ABCG2: variants seen among roughly 807,000 people sequenced by gnomAD.
The protein encoded by ABCG2 is ATP binding cassette subfamily G member 2 (JR blood group), also known as broad substrate specificity ATP-binding cassette transporter ABCG2.
A neutral mutation model predicts 73.5 loss-of-function variants in ABCG2; 80 were observed. That is an observed-to-expected ratio of 1.09 (90% CI 0.91 to 1.31). ABCG2 has a LOEUF of 1.31. Among genes scored for constraint, ABCG2 ranks in the 50% most tolerant of loss-of-function variants. ABCG2 has a pLI of 0.00. For missense variants in ABCG2, 796 were observed against 786.2 expected (o/e 1.01, Z -0.15); for synonymous variants, 269 against 282.4 (o/e 0.95, Z 0.48).
intron 1 of ABCG2, among the ~76,000 whole-genome samples, chr4:88,154,803 G>A (rs985615560): frequency 6.6e-6 from 1 of 152,176 alleles, no homozygotes. Flanking sequence ...ATATGTGTCA[G>A]GTGTGAGGAA....
intron 1 of ABCG2, among the ~76,000 whole-genome samples, chr4:88,155,054 G>A (rs1489993673): frequency 6.6e-6 from 1 of 152,104 alleles, no homozygotes; most frequent in African/African-American, 2.4e-5. Context: ...AAAGGGTTGG[G>A]ATGAGTCAGG....
At chr4:88,176,930 C>T (rs1426324508) in intron 1 of ABCG2, among the ~76,000 whole-genome samples, 2 of 151,944 alleles carry the variant, frequency 1.3e-5, no homozygotes, top group Admixed American at 1.3e-4. Flanking sequence ...AGCAAGTATT[C>T]TCCACCATTA....
intron 7 of ABCG2, 38 bp from the exon 8 acceptor site, chr4:88,115,096 G>A: frequency 7.0e-7 from 1 of 1,434,552 alleles, no homozygotes; most frequent in Non-Finnish European, 9.8e-7. Flanking sequence ...AAACTTGATG[G>A]TCTTGGAAAA....
At chr4:88,148,809 A>C (rs542096698) in intron 1 of ABCG2, among the ~76,000 whole-genome samples, 10 of 152,316 alleles carry the variant, frequency 6.6e-5, no homozygotes, top group Middle Eastern at 3.4e-3. Flanking sequence ...GACATTGTAA[A>C]GTGTACACAG....
At chr4:88,131,775 CAG>C (rs1185194926) in intron 4 of ABCG2, 26 bp downstream of exon 4, 2 of 1,552,366 alleles carry the variant, frequency 1.3e-6, no homozygotes, top group Non-Finnish European at 1.8e-6. Flanking sequence ...ACAGAGGAAA[CAG>C]AAAATGCAAA....
intron 1 of ABCG2, among the ~76,000 whole-genome samples, chr4:88,150,240 C>A (rs1726361519): frequency 6.6e-6 from 1 of 152,134 alleles, no homozygotes; most frequent in Non-Finnish European, 1.5e-5. Context: ...TTGCTTGAAC[C>A]CGGGAGGCAG....
At chr4:88,151,787 G>T (rs936634498) in intron 1 of ABCG2, among the ~76,000 whole-genome samples, 16 of 151,720 alleles carry the variant, frequency 1.1e-4, no homozygotes, top group African/African-American at 3.9e-4. Flanking sequence ...GTGAGCAGCG[G>T]CATTACTTCT....
rs1553945717 is a variant in ABCG2, at chr4:88,202,354, T to TATATATATATATATATAGATATATA, written c.-20+28639_-20+28640insTATATATCTATATATATATATATAT. The stretch of plus-strand genomic sequence containing the variant: ...AGGAGGACCCCATCTCTACAATTAT[T>TATATATATATATATATAGATATATA]TATATATATATATATATATATATGT... On this transcript the variant is annotated intron_variant, in intron 1 of 15. Transcript: ENST00000515655. Among the ~76,000 whole-genome samples, 4 of 62,086 alleles carry TATATATATATATATATAGATATATA rather than the reference T, an allele frequency of 6.4e-5. 2 individuals are homozygous for TATATATATATATATATAGATATATA. In the South Asian group the frequency reaches 3.2e-3, roughly 50 times the overall value. 40.7% of individuals were successfully genotyped at this position (62,086 alleles called of 152,430 possible).
At chr4:88,117,437 C>T (rs1034039803) in intron 7 of ABCG2, among the ~76,000 whole-genome samples, 3 of 151,930 alleles carry the variant, frequency 2.0e-5, no homozygotes, top group African/African-American at 7.3e-5. Flanking sequence ...CAAGACCATC[C>T]TCCTGGCTAA....
chr4:88,133,216 C>T (rs1371462082), intron 2 of ABCG2, among the ~76,000 whole-genome samples: 1 of 152,140 alleles, frequency 6.6e-6, no homozygotes, highest in Non-Finnish European at 1.5e-5. Context: ...GCTACCTAGT[C>T]AAATTCTACA....
intron 5 of ABCG2, 69 bp from the exon 6 acceptor site, chr4:88,121,861 G>A: frequency 2.0e-6 from 3 of 1,469,798 alleles, no homozygotes; most frequent in Non-Finnish European, 2.8e-6. Context: ...CTCCTAACGT[G>A]TGCCAGTCCT....
intron 9 of ABCG2, among the ~76,000 whole-genome samples, chr4:88,112,708 C>A (rs540727327): frequency 2.0e-5 from 3 of 152,040 alleles, no homozygotes; most frequent in Non-Finnish European, 4.4e-5. Flanking sequence ...AACTGGCTGA[C>A]ACTTCTTTCA....
At chr4:88,193,767 C>CA (rs1442976149) in intron 1 of ABCG2, among the ~76,000 whole-genome samples, 1 of 152,126 alleles carries the variant, frequency 6.6e-6, no homozygotes, top group Non-Finnish European at 1.5e-5. Context: ...TATTTTGAGA[C>CA]AGAGTCTTGC....
intron 1 of ABCG2, among the ~76,000 whole-genome samples, chr4:88,212,115 A>G (rs1278637376): frequency 2.0e-5 from 3 of 152,194 alleles, no homozygotes; most frequent in Admixed American, 6.5e-5. Context: ...CCCTAGCTTT[A>G]GGTGAAAACC....
At chr4:88,207,094 C>G (rs1729409749) in intron 1 of ABCG2, among the ~76,000 whole-genome samples, 1 of 152,190 alleles carries the variant, frequency 6.6e-6, no homozygotes, top group South Asian at 2.1e-4. Flanking sequence ...TGTGCCCAGT[C>G]TCAAAGCAGT....
rs1434353323 is a variant in ABCG2, at chr4:88,092,154, A to G, written c.*80T>C. ...TGTGATGGCAAGGGAACAGAAAACA[A>G]CAAAAAAACTTGATTGAATACTTCA... On this transcript the variant is annotated 3_prime_UTR_variant, in exon 16 of 16. Coordinates refer to ENST00000237612, the MANE Select transcript of ABCG2 (RefSeq NM_004827.3). 4 of 1,352,852 alleles carry G rather than the reference A, an allele frequency of 3.0e-6. No homozygotes were observed. The highest frequency in any genetic ancestry group is 4.0e-6 in the Non-Finnish European group (4 of 991,922). 83.8% of individuals were successfully genotyped at this position (1,352,852 alleles called of 1,614,324 possible).
At chr4:88,143,417 T>C (rs1371313464) in intron 1 of ABCG2, among the ~76,000 whole-genome samples, 2 of 152,190 alleles carry the variant, frequency 1.3e-5, no homozygotes, top group Non-Finnish European at 2.9e-5. Flanking sequence ...AAATAACTTA[T>C]TGCTTGAATT....
At chr4:88,183,852 A>G (rs1728350722) in intron 1 of ABCG2, among the ~76,000 whole-genome samples, 1 of 152,190 alleles carries the variant, frequency 6.6e-6, no homozygotes. Flanking sequence ...TACATTGAAA[A>G]CATCATTTAT....
chr4:88,140,795 A>C (rs1725585517), intron 1 of ABCG2, among the ~76,000 whole-genome samples: 1 of 152,232 alleles, frequency 6.6e-6, no homozygotes, highest in Non-Finnish European at 1.5e-5. Context: ...CAAAGAAGGT[A>C]AACTCCAAAA....
Sources: gnomAD v4.1 joint callset for allele counts (sites outside exome capture counted in the v4.1 genomes callset) on GRCh38, gnomAD v4.1.1 for gene constraint, MANE v1.5 for transcripts, NCBI Gene and HGNC (gene_info 2026-07-23, HGNC 2026-07-21) for gene names.